The following TBL1XR1 variants were observed in gnomAD, a reference collection of about 807,000 sequenced individuals.
TBL1XR1 encodes F-box-like/WD repeat-containing protein TBL1XR1.
In TBL1XR1, 5 loss-of-function variants were observed where a neutral mutation model predicts 66.9. That is an observed-to-expected ratio of 0.07 (90% CI 0.04 to 0.16). The LOEUF is 0.16. Among genes scored for constraint, TBL1XR1 ranks in the 10% least tolerant of loss-of-function variants. TBL1XR1 has a pLI of 1.00. For synonymous variants in TBL1XR1, 210 were observed against 206.0 expected (o/e 1.02, Z -0.17); for missense variants, 238 against 623.2 (o/e 0.38, Z 6.58).
Position 177,107,322 on chromosome 3 carries a change from GAA to G in TBL1XR1, c.-121-8783_-121-8782del, listed in dbSNP as rs536795720. Among the ~76,000 whole-genome samples the G allele has an allele frequency of 1.5e-3, 234 of 152,230 alleles. 1 individual carries two copies. Among genetic ancestry groups the G allele is most frequent in the Middle Eastern group, 6.8e-3 (2 of 294 alleles). Reference sequence around the variant, plus strand: ...AAAACATTTCCTTACAGATTCACGTGAAAAAAAGTTTTCAAATTGGTTTCTTT... The same window carrying G: ...AAAACATTTCCTTACAGATTCACGTGAAAAAGTTTTCAAATTGGTTTCTTT... On this transcript the variant is annotated intron_variant, in intron 1 of 15. Transcript: ENST00000457928.
At chr3:177,197,013 A>G (rs1199541741) in intron 1 of TBL1XR1, 108 bp downstream of exon 1, 1 of 145,106 alleles carries the variant, frequency 6.9e-6, no homozygotes, top group African/African-American at 2.6e-5. Flanking sequence ...TGCATGTTCC[A>G]CTCGCGCCCA....
chr3:177,103,170 G>T (rs1248450157), intron 1 of TBL1XR1, among the ~76,000 whole-genome samples: 1 of 152,180 alleles, frequency 6.6e-6, no homozygotes, highest in Non-Finnish European at 1.5e-5. Flanking sequence ...GAAAATGCTT[G>T]AGAGAACCTG....
intron 1 of TBL1XR1, among the ~76,000 whole-genome samples, chr3:177,173,282 C>T (rs773014162): frequency 1.3e-5 from 2 of 152,172 alleles, no homozygotes; most frequent in Non-Finnish European, 2.9e-5. Flanking sequence ...CCCTCTAGTA[C>T]GTAGAACTTA....
intron 2 of TBL1XR1, among the ~76,000 whole-genome samples, chr3:177,077,384 T>C (rs1720823485): frequency 6.6e-6 from 1 of 152,186 alleles, no homozygotes; most frequent in South Asian, 2.1e-4. Flanking sequence ...TTACTTTAGA[T>C]CTCACCTGAA....
At chr3:177,201,006 CAAAA>C (rs956066738), upstream of TBL1XR1, among the ~76,000 whole-genome samples, 1 of 140,226 alleles carries the variant, frequency 7.1e-6, no homozygotes, top group African/African-American at 2.6e-5. Flanking sequence ...GACTCCGTCT[CAAAA>C]AAAAAAAGTT....
At chr3:177,160,672 C>A (rs1732084288) in intron 1 of TBL1XR1, among the ~76,000 whole-genome samples, 1 of 151,884 alleles carries the variant, frequency 6.6e-6, no homozygotes, top group Non-Finnish European at 1.5e-5. Context: ...GAAACTCAGT[C>A]CTAAATCATA....
At chr3:177,114,467 A>G (rs1229816159) in intron 1 of TBL1XR1, among the ~76,000 whole-genome samples, 1 of 151,806 alleles carries the variant, frequency 6.6e-6, no homozygotes, top group Non-Finnish European at 1.5e-5. Flanking sequence ...AAGACCAGCT[A>G]ATTTTTAACT....
intron 1 of TBL1XR1, among the ~76,000 whole-genome samples, chr3:177,151,188 CTG>C (rs1242751160): frequency 6.6e-6 from 1 of 152,230 alleles, no homozygotes; most frequent in Non-Finnish European, 1.5e-5. Context: ...AAAGCCAAAT[CTG>C]TGACTGAGAG....
chr3:177,137,129 T>TA (rs1729088948), intron 1 of TBL1XR1, among the ~76,000 whole-genome samples: 1 of 151,794 alleles, frequency 6.6e-6, no homozygotes, highest in African/African-American at 2.4e-5. Context: ...TAAAATGTTA[T>TA]GGGGGGGGAA....
rs568988626 is a variant in TBL1XR1 at position 177,094,833 on chromosome 3, A to G, written c.-46+3633T>C. Among the ~76,000 whole-genome samples, 8 of 152,048 alleles carry G rather than the reference A, an allele frequency of 5.3e-5. No individual in the cohort carries two copies. The South Asian group carries it at 1.7e-3, about 32-fold the overall frequency. On this transcript the variant is annotated intron_variant, in intron 2 of 15. Transcript: ENST00000457928. ...GTGGACTAGGGGGAAAGGGTGGGGG[A>G]TGGAGAGGGATGAAAGACTACACAC... is the stretch of plus-strand genomic sequence containing the variant.
rs769818605 is a variant in TBL1XR1 at position 177,049,969 on chromosome 3, T to C, written c.702+28A>G. On this transcript the variant is annotated intron_variant, in intron 7 of 15. Coordinates refer to ENST00000457928, the MANE Select transcript of TBL1XR1 (RefSeq NM_024665.7). ...TGAGGGTTAGGTATACTAGTAATTA[T>C]ATCCATCATGGATATAGTGATACTC... is the stretch of plus-strand genomic sequence containing the variant. 4.3e-6 allele frequency: 7 copies of C among 1,610,010 alleles called. No individual in the cohort carries two copies. In the African/African-American group the frequency reaches 6.7e-5, roughly 15 times the overall value.
chr3:177,180,593 G>A (rs1399795640), intron 1 of TBL1XR1, among the ~76,000 whole-genome samples: 2 of 152,048 alleles, frequency 1.3e-5, no homozygotes, highest in East Asian at 3.8e-4. Flanking sequence ...TTCTCTGACA[G>A]TAAATTCTGG....
At chr3:177,171,720 A>C (rs1733537561) in intron 1 of TBL1XR1, among the ~76,000 whole-genome samples, 1 of 150,938 alleles carries the variant, frequency 6.6e-6, no homozygotes, top group Non-Finnish European at 1.5e-5. Context: ...AAAAAAAAAA[A>C]AAAAAAAGTT....
chr3:177,199,891 G>A (rs1559984725), upstream of TBL1XR1, among the ~76,000 whole-genome samples: 2 of 152,100 alleles, frequency 1.3e-5, no homozygotes, highest in African/African-American at 2.4e-5. Context: ...TCGAGGCTGG[G>A]GACTTACAAA....
At chr3:177,135,640 C>T (rs1728909762) in intron 1 of TBL1XR1, among the ~76,000 whole-genome samples, 1 of 151,526 alleles carries the variant, frequency 6.6e-6, no homozygotes, top group African/African-American at 2.4e-5. Flanking sequence ...CCTCGGCCTC[C>T]CAAAGTGCTG....
chr3:177,159,142 T>C lies in TBL1XR1; in HGVS notation c.-122+37979A>G, dbSNP rs78712187. On this transcript the variant is annotated intron_variant, in intron 1 of 15. Transcript: ENST00000457928. ...TTTACTTATGTGGAACTCAGCTGGA[T>C]TTTCTCAATGGGTAAAAAAAAAAAG... Among the ~76,000 whole-genome samples, 25 of 152,132 alleles carry C rather than the reference T, an allele frequency of 1.6e-4. No homozygotes were observed. In the East Asian group the frequency reaches 4.6e-3, roughly 28 times the overall value.
chr3:177,149,003 CA>C (rs202218949), intron 1 of TBL1XR1, among the ~76,000 whole-genome samples: 3 of 98,078 alleles, frequency 3.1e-5, no homozygotes, highest in African/African-American at 3.6e-5. Flanking sequence ...AAAACTCCCT[CA>C]AAAAAAAAGA....
chr3:177,072,756 G>C (rs898274255), intron 2 of TBL1XR1, among the ~76,000 whole-genome samples: 3 of 152,208 alleles, frequency 2.0e-5, no homozygotes, highest in African/African-American at 7.2e-5. Flanking sequence ...GGATTTGGCA[G>C]ACATTTTCCT....
chr3:177,116,201 C>A (rs1726290380), intron 1 of TBL1XR1, among the ~76,000 whole-genome samples: 1 of 152,082 alleles, frequency 6.6e-6, no homozygotes, highest in African/African-American at 2.4e-5. Context: ...CATTCTCCCC[C>A]CAACCCATGT....
Sources: gnomAD v4.1 joint callset for allele counts (sites outside exome capture counted in the v4.1 genomes callset) on GRCh38, gnomAD v4.1.1 for gene constraint, MANE v1.5 for transcripts, NCBI Gene and HGNC (gene_info 2026-07-23, HGNC 2026-07-21) for gene names.